GRIN2A: variants seen among roughly 807,000 people sequenced by gnomAD.
GRIN2A encodes glutamate receptor ionotropic, NMDA 2A.
GRIN2A carries 22 observed loss-of-function variants against 113.4 expected under a neutral mutation model. That is an observed-to-expected ratio of 0.19 (90% CI 0.14 to 0.28). GRIN2A has a LOEUF of 0.28. Among genes scored for constraint, GRIN2A ranks in the 10% least tolerant of loss-of-function variants. GRIN2A has a pLI of 1.00. For synonymous variants in GRIN2A, 827 were observed against 738.4 expected, an observed-to-expected ratio of 1.12 and a Z score of -1.94; for missense variants, 1,502 against 1,887.0, an observed-to-expected ratio of 0.80 and a Z score of 3.78.
At chr16:9,969,105 C>T (rs539532998) in intron 2 of GRIN2A, among the ~76,000 whole-genome samples, 1 of 152,192 alleles carries the variant, frequency 6.6e-6, no homozygotes, top group Admixed American at 6.5e-5. Context: ...TTTCAGGTCA[C>T]ACTAGCCACA....
chr16:10,103,889 CT>C (rs1372833903), intron 2 of GRIN2A, among the ~76,000 whole-genome samples: 1 of 152,228 alleles, frequency 6.6e-6, no homozygotes, highest in Non-Finnish European at 1.5e-5. Context: ...CTACTCACCC[CT>C]CTCACTTCCT....
At chr16:10,026,795 C>T (rs2046831098) in intron 2 of GRIN2A, among the ~76,000 whole-genome samples, 1 of 152,148 alleles carries the variant, frequency 6.6e-6, no homozygotes, top group Non-Finnish European at 1.5e-5. Flanking sequence ...TCCTCCCACC[C>T]CAAAACAATG....
chr16:9,982,248 G>T (rs915973389), intron 2 of GRIN2A, among the ~76,000 whole-genome samples: 1 of 152,160 alleles, frequency 6.6e-6, no homozygotes, highest in Non-Finnish European at 1.5e-5. Context: ...GGCAGTTCAG[G>T]CCAGAGGTAG....
intron 2 of GRIN2A, among the ~76,000 whole-genome samples, chr16:9,988,458 C>G (rs1259027476): frequency 1.3e-5 from 2 of 152,090 alleles, no homozygotes; most frequent in African/African-American, 4.8e-5. Context: ...ACACCAGAAA[C>G]CTTCCTCCAG....
intron 2 of GRIN2A, among the ~76,000 whole-genome samples, chr16:10,125,414 C>T (rs750117221): frequency 1.3e-5 from 2 of 152,106 alleles, no homozygotes; most frequent in Non-Finnish European, 2.9e-5. Context: ...TAGGAGAAGT[C>T]GAGTAAATAC....
chr16:9,834,238 T>C lies in GRIN2A; in HGVS notation c.1652-8A>G, dbSNP rs763953868. On this transcript the variant is annotated splice_region_variant and splice_polypyrimidine_tract_variant and intron_variant, in intron 7 of 12. Transcript: ENST00000330684. ...CAGAGGCGCTGAATGGTTCTGCAAA[T>C]AAACAGATAAAGGAATGGAAACGTG... is the stretch of plus-strand genomic sequence containing the variant. 1 of 1,613,718 alleles carries C rather than the reference T, an allele frequency of 6.2e-7. No homozygotes were observed. Among genetic ancestry groups the C allele is most frequent in the Admixed American group, 1.7e-5 (1 of 60,012 alleles).
chr16:10,032,523 T>C (rs539971279), intron 2 of GRIN2A, among the ~76,000 whole-genome samples: 1 of 152,314 alleles, frequency 6.6e-6, no homozygotes, highest in East Asian at 1.9e-4. Context: ...GCCAGACATT[T>C]ACCATGTGTT....
At chr16:10,177,533 T>A (rs1257674773) in intron 2 of GRIN2A, among the ~76,000 whole-genome samples, 1 of 152,178 alleles carries the variant, frequency 6.6e-6, no homozygotes, top group Non-Finnish European at 1.5e-5. Flanking sequence ...ATTCTTCTTC[T>A]CTCCAACCCC....
At chr16:9,851,450 G>C (rs75899026) in intron 4 of GRIN2A, among the ~76,000 whole-genome samples, 4,269 of 152,264 alleles carry the variant, frequency 0.028, 191 homozygotes, top group African/African-American at 0.096. Flanking sequence ...CCCAGTGCCA[G>C]CCTAGGAATA....
At chr16:9,832,884 GA>G (rs143062983) in intron 8 of GRIN2A, among the ~76,000 whole-genome samples, 2,055 of 152,316 alleles carry the variant, frequency 0.013, 61 homozygotes, top group African/African-American at 0.048. Context: ...CTTCAATGGT[GA>G]GGAAGAAGTT....
intron 4 of GRIN2A, among the ~76,000 whole-genome samples, chr16:9,858,866 A>C (rs940604453): frequency 6.6e-6 from 1 of 152,222 alleles, no homozygotes; most frequent in Admixed American, 6.5e-5. Flanking sequence ...GGAAGAAATT[A>C]GGTTAATAGA....
At chr16:9,817,982 C>G (rs189523973) in intron 10 of GRIN2A, among the ~76,000 whole-genome samples, 52 of 151,836 alleles carry the variant, frequency 3.4e-4, no homozygotes, top group African/African-American at 1.2e-3. Flanking sequence ...AGGGATGGAA[C>G]CTTCTACAGA....
At chr16:10,147,855 G>T (rs2049478190) in intron 2 of GRIN2A, among the ~76,000 whole-genome samples, 1 of 152,084 alleles carries the variant, frequency 6.6e-6, no homozygotes, top group African/African-American at 2.4e-5. Context: ...TAACCACCCT[G>T]CCTACTTCTG....
At chr16:10,173,626 C>T (rs564741744) in intron 2 of GRIN2A, among the ~76,000 whole-genome samples, 6 of 152,266 alleles carry the variant, frequency 3.9e-5, no homozygotes, top group African/African-American at 1.4e-4. Flanking sequence ...AAACATTTAC[C>T]GTGTAACAAA....
chr16:9,817,931 C>T (rs909525583), intron 10 of GRIN2A, among the ~76,000 whole-genome samples: 9 of 151,940 alleles, frequency 5.9e-5, no homozygotes, highest in African/African-American at 1.9e-4. Flanking sequence ...AAAAGCTGAG[C>T]AATTCGGGAG....
At position 9,801,260 on chromosome 16, in the gene GRIN2A, C is replaced by T. The variant is rs1264773111; in HGVS notation, c.2169-2796G>A. Among the ~76,000 whole-genome samples, 9 of 152,220 alleles carry T rather than the reference C, an allele frequency of 5.9e-5. No homozygotes were observed. In the South Asian group the frequency reaches 8.3e-4, roughly 14 times the overall value. On this transcript the variant is annotated intron_variant, in intron 10 of 12. Coordinates refer to ENST00000330684, the MANE Select transcript of GRIN2A (RefSeq NM_001134407.3). ...AGATACTTGCAACGTCAATACTTCC[C>T]GTATCCATGTTGCCATGGAGATATA... is the stretch of plus-strand genomic sequence containing the variant.
At chr16:10,176,390 A>C (rs1275928853) in intron 2 of GRIN2A, among the ~76,000 whole-genome samples, 1 of 152,212 alleles carries the variant, frequency 6.6e-6, no homozygotes, top group Non-Finnish European at 1.5e-5. Flanking sequence ...AATTAAATTA[A>C]CACCACAAAA....
chr16:9,798,228 T>G (rs777377686), intron 11 of GRIN2A, 49 bp downstream of exon 11: 222 of 1,469,806 alleles, frequency 1.5e-4, no homozygotes, highest in Non-Finnish European at 2.0e-4. Context: ...ACAAAGCGAG[T>G]GTGAGGGTCT....
intron 2 of GRIN2A, among the ~76,000 whole-genome samples, chr16:10,005,626 C>A (rs62033386): frequency 0.34 from 51,900 of 152,004 alleles, 9,458 homozygotes; most frequent in Non-Finnish European, 0.4. Flanking sequence ...ATCACTGGAG[C>A]TTTTAAATCT....
Sources: gnomAD v4.1 joint callset for allele counts (sites outside exome capture counted in the v4.1 genomes callset) on GRCh38, gnomAD v4.1.1 for gene constraint, MANE v1.5 for transcripts, NCBI Gene and HGNC (gene_info 2026-07-23, HGNC 2026-07-21) for gene names.